The following CAPZB variants were observed in gnomAD, a reference collection of about 807,000 sequenced individuals.
The protein encoded by CAPZB is capping actin protein of muscle Z-line subunit beta.
Under a neutral mutation model 38.1 loss-of-function variants are expected in CAPZB, and 2 were observed. The ratio of observed to expected loss-of-function variants is 0.05; its 90% CI spans 0.02 to 0.17. CAPZB has a LOEUF of 0.17. Ranked by LOEUF, CAPZB falls within the 10% of genes least tolerant of loss-of-function variation. CAPZB has a pLI of 1.00. For synonymous variants in CAPZB, 107 were observed against 127.4 expected (o/e 0.84, Z 1.08); for missense variants, 161 against 334.2 (o/e 0.48, Z 4.04).
At chr1:19,452,928 C>T (rs2094521508) in intron 1 of CAPZB, among the ~76,000 whole-genome samples, 1 of 151,704 alleles carries the variant, frequency 6.6e-6, no homozygotes. Flanking sequence ...CTCAGTCTCC[C>T]AAATGGCTGG....
intron 2 of CAPZB, among the ~76,000 whole-genome samples, chr1:19,412,214 T>C (rs1290016287): frequency 6.6e-6 from 1 of 152,140 alleles, no homozygotes; most frequent in African/African-American, 2.4e-5. Flanking sequence ...ACAGAGACTA[T>C]GTAGGGGCTG....
At chr1:19,473,380 G>A (rs1558294128) in intron 1 of CAPZB, among the ~76,000 whole-genome samples, 1 of 152,156 alleles carries the variant, frequency 6.6e-6, no homozygotes. Context: ...ATAACTACAA[G>A]GTTAAGCACA....
chr1:19,475,858 C>A (rs1203812563), intron 1 of CAPZB, among the ~76,000 whole-genome samples: 1 of 152,200 alleles, frequency 6.6e-6, no homozygotes, highest in South Asian at 2.1e-4. Context: ...AGTCATTCAT[C>A]TAACACCTGT....
chr1:19,403,817 G>A (rs746508788), intron 2 of CAPZB, among the ~76,000 whole-genome samples: 32 of 152,184 alleles, frequency 2.1e-4, no homozygotes, highest in South Asian at 4.1e-4. Context: ...AAGTGACCCC[G>A]CTTTGGGCAG....
intron 6 of CAPZB, among the ~76,000 whole-genome samples, chr1:19,346,580 G>C (rs1452073658): frequency 6.6e-6 from 1 of 152,008 alleles, no homozygotes; most frequent in Non-Finnish European, 1.5e-5. Flanking sequence ...AGTCTGGGGG[G>C]AGATACTGTC....
chr1:19,349,293 A>G (rs2093978947), intron 6 of CAPZB, among the ~76,000 whole-genome samples: 1 of 152,154 alleles, frequency 6.6e-6, no homozygotes, highest in Non-Finnish European at 1.5e-5. Context: ...GCCTAGGCTC[A>G]GGGCTGGGTG....
intron 1 of CAPZB, among the ~76,000 whole-genome samples, chr1:19,421,916 CT>C (rs1451395324): frequency 1.3e-5 from 2 of 152,096 alleles, no homozygotes; most frequent in Non-Finnish European, 2.9e-5. Context: ...GCTTTTAAAT[CT>C]TTTTAAAAAT....
At chr1:19,376,053 T>G (rs936670323) in intron 4 of CAPZB, among the ~76,000 whole-genome samples, 4 of 152,226 alleles carry the variant, frequency 2.6e-5, no homozygotes, top group Non-Finnish European at 5.9e-5. Flanking sequence ...TCCCCAAGGC[T>G]GGCCCTAAAT....
At chr1:19,363,264 T>TA (rs2094064108) in intron 4 of CAPZB, among the ~76,000 whole-genome samples, 1 of 148,636 alleles carries the variant, frequency 6.7e-6, no homozygotes, top group Non-Finnish European at 1.5e-5. Flanking sequence ...AAAAAAATTT[T>TA]TTTTTTTTTT....
chr1:19,453,782 T>C (rs1313155175), intron 1 of CAPZB, among the ~76,000 whole-genome samples: 1 of 152,238 alleles, frequency 6.6e-6, no homozygotes, highest in Non-Finnish European at 1.5e-5. Flanking sequence ...TCCCTGTGAA[T>C]ATTTGCTGAA....
At chr1:19,374,527 CAAGCT>C (rs1214208902) in intron 4 of CAPZB, 1 of 152,360 alleles carries the variant, frequency 6.6e-6, no homozygotes, top group Non-Finnish European at 1.5e-5. Flanking sequence ...GGGCGCAGGC[CAAGCT>C]CTAGCTTGAA....
chr1:19,431,286 T>C (rs2094440974), intron 1 of CAPZB, among the ~76,000 whole-genome samples: 1 of 152,198 alleles, frequency 6.6e-6, no homozygotes, highest in Non-Finnish European at 1.5e-5. Flanking sequence ...AACCAGTAAG[T>C]TCTGCAAATA....
At chr1:19,366,880 T>C (rs1474846332) in intron 4 of CAPZB, among the ~76,000 whole-genome samples, 1 of 152,242 alleles carries the variant, frequency 6.6e-6, no homozygotes, top group Non-Finnish European at 1.5e-5. Flanking sequence ...AGCAGTAGTT[T>C]GTTTTTCTGA....
At chr1:19,401,797 T>TGAC (rs2094304515) in intron 2 of CAPZB, among the ~76,000 whole-genome samples, 1 of 152,236 alleles carries the variant, frequency 6.6e-6, no homozygotes, top group Admixed American at 6.5e-5. Flanking sequence ...ACACATAGGC[T>TGAC]GACGACCTAT....
intron 2 of CAPZB, among the ~76,000 whole-genome samples, chr1:19,413,172 G>T (rs534703835): frequency 5.3e-5 from 8 of 152,304 alleles, no homozygotes; most frequent in African/African-American, 1.4e-4. Flanking sequence ...CGGGGATCAA[G>T]CTGAAGAATC....
intron 1 of CAPZB, among the ~76,000 whole-genome samples, chr1:19,437,626 C>A (rs929879030): frequency 6.6e-6 from 1 of 152,062 alleles, no homozygotes; most frequent in Non-Finnish European, 1.5e-5. Flanking sequence ...ACCATGGGCA[C>A]GAGACTCATT....
At chr1:19,397,481 C>T (rs1332118549) in intron 2 of CAPZB, among the ~76,000 whole-genome samples, 2 of 152,196 alleles carry the variant, frequency 1.3e-5, no homozygotes, top group African/African-American at 4.8e-5. Flanking sequence ...TAAGGCCGTG[C>T]GGACTCTAGA....
intron 1 of CAPZB, among the ~76,000 whole-genome samples, chr1:19,438,221 G>A (rs569371288): frequency 6.6e-6 from 1 of 152,308 alleles, no homozygotes; most frequent in South Asian, 2.1e-4. Flanking sequence ...GGAAAACTAG[G>A]GAGTGCGCGA....
chr1:19,339,300 T>G lies in CAPZB; in HGVS notation c.*230A>C. ...GTGAACAAAAACCACACGGTCTCTA[T>G]GGAAATGTGGAGAGAACTGAGAGCG... On this transcript the variant is annotated 3_prime_UTR_variant, in exon 9 of 9. Transcript: ENST00000264202. The G allele has an allele frequency of 1.8e-6, 1 of 564,346 alleles. No homozygotes were observed. The highest frequency in any genetic ancestry group is 3.2e-6 in the Non-Finnish European group (1 of 316,092). The allele number at this position is 564,346 out of a possible 1,614,324, so 35.0% of individuals were successfully genotyped here. A position where few individuals can be genotyped will look rare whatever the true frequency, so the allele number is the denominator to read the frequency against.
Sources: allele counts gnomAD v4.1 joint callset (sites outside exome capture counted in the v4.1 genomes callset), GRCh38; gene constraint gnomAD v4.1.1; transcripts MANE v1.5; gene names NCBI Gene and HGNC (gene_info 2026-07-23, HGNC 2026-07-21).